DENND2C: variants seen among roughly 807,000 people sequenced by gnomAD.
DENND2C encodes the protein DENN domain-containing protein 2C.
A neutral mutation model predicts 112.4 loss-of-function variants in DENND2C; 72 were observed. The observed-to-expected ratio is 0.64, with a 90% CI of 0.53 to 0.78. DENND2C has a LOEUF of 0.78. DENND2C is among the 30% of genes least tolerant of loss of function. The pLI, the probability that DENND2C is intolerant of heterozygous loss-of-function variation, is 0.00. For missense variants in DENND2C, 992 were observed against 1,113.8 expected (o/e 0.89, Z 1.56); for synonymous variants, 329 against 381.6 (o/e 0.86, Z 1.61).
chr1:114,593,945 A>G (rs1655266922), intron 18 of DENND2C, among the ~76,000 whole-genome samples: 1 of 152,260 alleles, frequency 6.6e-6, no homozygotes, highest in South Asian at 2.1e-4. Context: ...CTGATACAGT[A>G]TAAACACCCA....
intron 18 of DENND2C, among the ~76,000 whole-genome samples, chr1:114,589,974 G>GTT (rs1373891265): frequency 1.3e-5 from 2 of 152,100 alleles, no homozygotes; most frequent in African/African-American, 4.8e-5. Flanking sequence ...CTGCATTATA[G>GTT]TTTCACTATA....
intron 18 of DENND2C, among the ~76,000 whole-genome samples, chr1:114,590,097 T>C (rs1003313165): frequency 5.3e-5 from 8 of 152,236 alleles, no homozygotes; most frequent in Non-Finnish European, 8.8e-5. Flanking sequence ...GTTTTTAAGA[T>C]TCATTTTTAG....
intron 3 of DENND2C, among the ~76,000 whole-genome samples, chr1:114,643,070 C>A (rs1332550353): frequency 1.3e-5 from 2 of 152,170 alleles, no homozygotes; most frequent in Non-Finnish European, 2.9e-5. Flanking sequence ...AACACTCATT[C>A]TTGCTGGAGA....
intron 1 of DENND2C, among the ~76,000 whole-genome samples, chr1:114,658,325 C>T (rs950748469): frequency 1.3e-5 from 2 of 151,952 alleles, no homozygotes; most frequent in African/African-American, 4.8e-5. Context: ...GGGAGAAAGA[C>T]TGGTGAGAGG....
intron 18 of DENND2C, among the ~76,000 whole-genome samples, chr1:114,592,388 G>C (rs1655218624): frequency 6.6e-6 from 1 of 151,734 alleles, no homozygotes; most frequent in South Asian, 2.1e-4. Flanking sequence ...GTTCTTTTTT[G>C]AGTGCCTTGG....
intron 3 of DENND2C, among the ~76,000 whole-genome samples, chr1:114,635,204 T>G (rs920832900): frequency 6.6e-6 from 1 of 152,142 alleles, no homozygotes; most frequent in Non-Finnish European, 1.5e-5. Flanking sequence ...CATTGTGGTC[T>G]TCAACATTCT....
intron 1 of DENND2C, among the ~76,000 whole-genome samples, chr1:114,662,316 G>C (rs1279172025): frequency 1.3e-5 from 2 of 151,978 alleles, no homozygotes; most frequent in Non-Finnish European, 2.9e-5. Flanking sequence ...AAAAAAGACA[G>C]AGAAAAATGC....
At chr1:114,651,428 G>T (rs1031460027) in intron 2 of DENND2C, among the ~76,000 whole-genome samples, 3 of 151,968 alleles carry the variant, frequency 2.0e-5, no homozygotes, top group Non-Finnish European at 4.4e-5. Context: ...CTCCAGCCTG[G>T]GCAATGGAGC....
intron 3 of DENND2C, among the ~76,000 whole-genome samples, chr1:114,639,145 A>C (rs1005938831): frequency 3.2e-4 from 48 of 152,188 alleles, no homozygotes; most frequent in Non-Finnish European, 4.9e-4. Context: ...AAAATTACAC[A>C]CCCACTAGAA....
At chr1:114,649,578 GTGT>G (rs1326165770) in intron 2 of DENND2C, among the ~76,000 whole-genome samples, 1 of 152,016 alleles carries the variant, frequency 6.6e-6, no homozygotes, top group Non-Finnish European at 1.5e-5. Context: ...GGGTCTCGCT[GTGT>G]TGCCAGGGCT....
rs1171397098 is a variant in DENND2C, at chr1:114,625,963, T to C, written c.22A>G (p.Thr8Ala). The stretch of plus-strand genomic sequence containing the variant: ...CTTCTTGACAGTGTCTGAACAGTAG[T>C]ACGAGAAAAACCAACATCCATGTTC... Reference protein sequence around the residue: MDVGFSRTTVQTLSRSHC... With the variant: MDVGFSRATVQTLSRSHC... The change falls in exon 4 of 21, where the codon ACT becomes GCT. Residue 8 changes from threonine (T) to alanine (A), a missense_variant. Thr to Ala is a moderately conservative substitution (Grantham distance 58). This residue lies in a region of DENND2C where 470 missense variants were observed against 472.7 expected (regional missense o/e 0.99). Coordinates refer to ENST00000393274, the MANE Select transcript of DENND2C (RefSeq NM_001256404.2). The C allele has an allele frequency of 1.2e-6, 2 of 1,609,792 alleles. No homozygotes were observed. The highest frequency in any genetic ancestry group is 1.7e-6 in the Non-Finnish European group (2 of 1,177,508).
chr1:114,600,756 C>A, intron 14 of DENND2C, 64 bp downstream of exon 14: 1 of 1,555,330 alleles, frequency 6.4e-7, no homozygotes, highest in Non-Finnish European at 8.7e-7. Context: ...GCTCTGGAAA[C>A]TGCCTACTAG....
chr1:114,598,039 T>C lies in DENND2C; in HGVS notation c.2283+1235A>G, dbSNP rs147350067. On this transcript the variant is annotated intron_variant, in intron 16 of 20. Transcript: ENST00000393274. ...CATACACTGTTGAAGGGAATTTAAA[T>C]TGGCACAACTACTTTGGAAAACAAT... is the stretch of plus-strand genomic sequence containing the variant. 2.1e-3 allele frequency among the ~76,000 whole-genome samples: 320 copies of C among 152,278 alleles called. 2 individuals are homozygous for C. Among genetic ancestry groups the C allele is most frequent in the African/African-American group, 7.1e-3 (295 of 41,546 alleles).
chr1:114,655,762 G>A (rs1476446508), intron 1 of DENND2C, among the ~76,000 whole-genome samples: 2 of 151,572 alleles, frequency 1.3e-5, no homozygotes, highest in Non-Finnish European at 1.5e-5. Context: ...GGGATTATAG[G>A]CATGAGCCAC....
chr1:114,590,778 CAAA>C (rs33970610), intron 18 of DENND2C, among the ~76,000 whole-genome samples: 2 of 112,994 alleles, frequency 1.8e-5, no homozygotes, highest in Non-Finnish European at 1.8e-5. Flanking sequence ...GACTCCGTCT[CAAA>C]AAAAAAAAAA....
At chr1:114,606,591 A>G (rs1655662958) in intron 10 of DENND2C, among the ~76,000 whole-genome samples, 1 of 152,252 alleles carries the variant, frequency 6.6e-6, no homozygotes, top group Non-Finnish European at 1.5e-5. Flanking sequence ...TTCAGATAGC[A>G]TAATGCAAAA....
chr1:114,593,882 A>G (rs1655264636), intron 18 of DENND2C, among the ~76,000 whole-genome samples: 1 of 152,224 alleles, frequency 6.6e-6, no homozygotes, highest in African/African-American at 2.4e-5. Flanking sequence ...TTAAATAATG[A>G]TACCTGCTTC....
In DENND2C at chr1:114,624,411, G is replaced by A. The variant is rs144810611; in HGVS notation, c.806+768C>T. Among the ~76,000 whole-genome samples the A allele has an allele frequency of 1.5e-3, 223 of 151,994 alleles. 1 individual carries two copies. The highest frequency in any genetic ancestry group is 4.9e-3 in the African/African-American group (204 of 41,492). On this transcript the variant is annotated intron_variant, in intron 4 of 20. Transcript: ENST00000393274. ...GAGCTTTTGGGCTCAAGTAATACTC[G>A]CAAGTAGGTAGGACGACAGGAACAC...
rs533722436 is a variant in DENND2C at position 114,668,916 on chromosome 1, AAAG to A, written c.-574+1064_-574+1066del. 4.1e-4 allele frequency among the ~76,000 whole-genome samples: 62 copies of A among 152,356 alleles called. 1 individual carries two copies. The highest frequency in any genetic ancestry group is 1.4e-3 in the African/African-American group (59 of 41,586). ...TAAACTACAACTATTTAGCTAAGACAAAGAAGTAGATTATTTGATTGCTACAGA... is the reference window on the plus strand; with the variant it reads ...TAAACTACAACTATTTAGCTAAGACAAAGTAGATTATTTGATTGCTACAGA... On this transcript the variant is annotated intron_variant, in intron 1 of 20. Coordinates refer to ENST00000393274, the MANE Select transcript of DENND2C (RefSeq NM_001256404.2).
Sources: allele counts gnomAD v4.1 joint callset (sites outside exome capture counted in the v4.1 genomes callset), GRCh38; gene constraint gnomAD v4.1.1; regional missense constraint gnomAD v4.1.1; transcripts MANE v1.5; gene names NCBI Gene and HGNC (gene_info 2026-07-23, HGNC 2026-07-21).